The following HIPK3 variants were observed in gnomAD, a reference collection of about 807,000 sequenced individuals.
HIPK3 encodes the protein homeodomain interacting protein kinase 3.
HIPK3 carries 47 observed loss-of-function variants against 124.2 expected under a neutral mutation model. That is an observed-to-expected ratio of 0.38 (90% CI 0.30 to 0.48). HIPK3 has a LOEUF of 0.48. HIPK3 is among the 20% of genes least tolerant of loss of function. The pLI is 0.98. For synonymous variants in HIPK3, 482 were observed against 515.2 expected, an observed-to-expected ratio of 0.94 and a Z score of 0.87; for missense variants, 1,286 against 1,454.3, an observed-to-expected ratio of 0.88 and a Z score of 1.88.
At chr11:33,328,699 C>A in intron 3 of HIPK3, 66 bp downstream of exon 3, 3 of 1,449,818 alleles carry the variant, frequency 2.1e-6, no homozygotes, top group Non-Finnish European at 2.9e-6. Context: ...CTTACAGGAA[C>A]ACATGGCTGC....
rs760526637 is a variant in HIPK3 at position 33,286,698 on chromosome 11, T to C, written c.284T>C (p.Ile95Thr). 1.2e-6 allele frequency: 2 copies of C among 1,614,134 alleles called. No homozygotes were observed. Among genetic ancestry groups the C allele is most frequent in the Non-Finnish European group, 1.7e-6 (2 of 1,180,040 alleles). Reference protein sequence around the residue: ...LKNTAGATKVIAAQAQQAHVQ... With the variant: ...LKNTAGATKVTAAQAQQAHVQ... ...AACACTGCAGGTGCTACAAAGGTCA[T>C]AGCAGCTCAGGCACAGCAAGCTCAC... Residue 95 changes from isoleucine (I) to threonine (T), a missense_variant, in exon 2 of 17, where the codon ATA (isoleucine) becomes ACA (threonine). Ile to Thr is a moderately conservative substitution (Grantham distance 89, BLOSUM62 -1). This residue lies in a region of HIPK3 where 225 missense variants were observed against 240.3 expected (regional missense o/e 0.94). Coordinates refer to ENST00000303296, the MANE Select transcript of HIPK3 (RefSeq NM_005734.5).
intron 8 of HIPK3, among the ~76,000 whole-genome samples, chr11:33,342,102 CAAAAAA>C (rs58073130): frequency 1.8e-5 from 1 of 55,584 alleles, no homozygotes; most frequent in African/African-American, 7.5e-5. Flanking sequence ...GACTCTGTCT[CAAAAAA>C]AAAAAAAAAA....
intron 8 of HIPK3, among the ~76,000 whole-genome samples, chr11:33,344,905 C>G (rs958499362): frequency 1.3e-5 from 2 of 152,122 alleles, no homozygotes; most frequent in African/African-American, 4.8e-5. Flanking sequence ...TTGCCCCTCC[C>G]CTTCATTTAC....
Position 33,348,164 on chromosome 11 carries a change from A to G in HIPK3, c.2307-2A>G, listed in dbSNP as rs912556223. The G allele has an allele frequency of 7.4e-6, 12 of 1,613,618 alleles. No homozygotes were observed. The highest frequency in any genetic ancestry group is 1.0e-5 in the Non-Finnish European group (12 of 1,179,656). On this transcript the variant is annotated splice_acceptor_variant, in intron 11 of 16. Coordinates refer to ENST00000303296, the MANE Select transcript of HIPK3 (RefSeq NM_005734.5). LOFTEE classifies it high-confidence loss of function. The stretch of plus-strand genomic sequence containing the variant: ...AAGCCAGCTCCCTTCTCAATTTCTC[A>G]GAGGTATTTTGGTAAAACTAATGGA...
intron 2 of HIPK3, among the ~76,000 whole-genome samples, chr11:33,295,287 C>A (rs551799147): frequency 4.1e-5 from 6 of 146,044 alleles, no homozygotes; most frequent in Admixed American, 6.8e-5. Flanking sequence ...GCCCCCCCCC[C>A]ACAACTCCAC....
upstream of HIPK3, among the ~76,000 whole-genome samples, chr11:33,257,125 G>A (rs1303858511): frequency 1.3e-5 from 2 of 152,126 alleles, no homozygotes; most frequent in Non-Finnish European, 2.9e-5. Context: ...GCTGACGGAT[G>A]CTTCTTTCGC....
intron 2 of HIPK3, 79 bp from the exon 3 acceptor site, chr11:33,328,431 A>G: frequency 7.0e-7 from 1 of 1,421,006 alleles, no homozygotes; most frequent in Non-Finnish European, 9.8e-7. Context: ...TCATTTTACC[A>G]ACTTCCTAGA....
chr11:33,308,630 G>GTA (rs1413286365), intron 2 of HIPK3, among the ~76,000 whole-genome samples: 2 of 151,630 alleles, frequency 1.3e-5, no homozygotes, highest in African/African-American at 4.9e-5. Context: ...GTGTGTGTGT[G>GTA]TGTGTGTGTG....
chr11:33,300,973 T>C (rs1316134440), intron 2 of HIPK3, among the ~76,000 whole-genome samples: 2 of 152,162 alleles, frequency 1.3e-5, no homozygotes, highest in Non-Finnish European at 2.9e-5. Context: ...TCTGCCAGTG[T>C]TGGTCTCCCA....
intron 3 of HIPK3, 134 bp downstream of exon 3, chr11:33,328,767 G>A (rs1038750629): frequency 1.2e-5 from 8 of 694,156 alleles, no homozygotes; most frequent in Non-Finnish European, 1.8e-5. Flanking sequence ...CTGGGATCTT[G>A]TAGAATTGAT....
In HIPK3 at chr11:33,347,854, A is replaced by G. The variant is rs756903887; in HGVS notation, c.2147A>G (p.Lys716Arg). ...CATTGTTCTGAACTTCTCCCTAGGA[A>G]GATGATTTCATGCAGCAATCATTAT... Reference protein sequence around the residue: ...AGSHRLGDWGKMISCSNHYNS... With the variant: ...AGSHRLGDWGRMISCSNHYNS... The change falls in exon 11 of 17, where the codon AAG becomes AGG. Residue 716 changes from lysine to arginine, a missense_variant and splice_region_variant. Lys to Arg is a conservative substitution (Grantham distance 26). Transcript: ENST00000303296. 1 of 1,614,174 alleles carries G rather than the reference A, an allele frequency of 6.2e-7. No individual in the cohort carries two copies.
rs952856564 is a variant in HIPK3, at chr11:33,258,782, G to A, written c.-3+893G>A. 5 of 947,388 alleles carry A rather than the reference G, an allele frequency of 5.3e-6. No individual in the cohort carries two copies. The Admixed American group carries it at 2.5e-4, about 47-fold the overall frequency. 58.7% of individuals were successfully genotyped at this position (947,388 alleles called of 1,614,324 possible). A position where few individuals can be genotyped will look rare whatever the true frequency, so the allele number is the denominator to read the frequency against. ...TGTGTGCGTAAATTACCTTGGACTT[G>A]TTACAGAGTAGTCGTAACACGTTCA... is the stretch of plus-strand genomic sequence containing the variant. On this transcript the variant is annotated intron_variant, in intron 1 of 16. Transcript: ENST00000303296.
At chr11:33,323,318 AC>A (rs1852718179) in intron 2 of HIPK3, among the ~76,000 whole-genome samples, 1 of 152,166 alleles carries the variant, frequency 6.6e-6, no homozygotes, top group East Asian at 1.9e-4. Context: ...ATCTTGGCTC[AC>A]TGCAACCTTT....
chr11:33,287,434 TA>T lies in HIPK3; in HGVS notation c.1023del (p.Val342Ter). ...ATCCTGTTCGGCAGCCTTACAGGGT[TA>T]AAGTAATAGACTTTGGGTCGGCCAG... ...VDPVRQPYRV[K>X]VIDFGSASHV... On this transcript the variant is annotated frameshift_variant, in exon 2 of 17. Coordinates refer to ENST00000303296, the MANE Select transcript of HIPK3 (RefSeq NM_005734.5). LOFTEE classifies it high-confidence loss of function. 1 of 1,614,212 alleles carries T rather than the reference TA, an allele frequency of 6.2e-7. No homozygotes were observed. Among genetic ancestry groups the T allele is most frequent in the Non-Finnish European group, 8.5e-7 (1 of 1,180,036 alleles).
chr11:33,324,669 C>T (rs534208963), intron 2 of HIPK3, among the ~76,000 whole-genome samples: 1 of 152,330 alleles, frequency 6.6e-6, no homozygotes, highest in Non-Finnish European at 1.5e-5. Context: ...TGACCAGGCA[C>T]AGTGTGGGGC....
intron 1 of HIPK3, among the ~76,000 whole-genome samples, chr11:33,268,230 A>AC (rs1851025371): frequency 6.6e-6 from 1 of 152,154 alleles, no homozygotes; most frequent in African/African-American, 2.4e-5. Context: ...AAGCAAACAA[A>AC]CAAAAAACAG....
Position 33,286,664 on chromosome 11 carries a change from G to A in HIPK3, c.250G>A (p.Val84Ile), listed in dbSNP as rs1554963036. The A allele has an allele frequency of 3.7e-6, 6 of 1,613,998 alleles. No homozygotes were observed. The East Asian group carries it at 8.9e-5, about 24-fold the overall frequency. The change falls in exon 2 of 17, where the codon GTT becomes ATT. Residue 84 changes from valine to isoleucine, a missense_variant. Physicochemically the swap from Val to Ile is conservative, Grantham distance 29. This residue lies in a region of HIPK3 where 225 missense variants were observed against 240.3 expected (regional missense o/e 0.94). Transcript: ENST00000303296. Reference sequence around the variant, plus strand: ...CTTTTCATTGCAGACAAGTGCTGTTGTTTTGAAAAACACTGCAGGTGCTAC... The same window carrying A: ...CTTTTCATTGCAGACAAGTGCTGTTATTTTGAAAAACACTGCAGGTGCTAC... ...HNFSLQTSAV[V>I]LKNTAGATKV...
chr11:33,283,463 T>G (rs145783504), intron 1 of HIPK3, among the ~76,000 whole-genome samples: 1,910 of 152,236 alleles, frequency 0.013, 22 homozygotes, highest in Non-Finnish European at 0.017. Flanking sequence ...CATCAAGTCT[T>G]AATTTGTCTA....
chr11:33,298,682 G>A (rs1851906929), intron 2 of HIPK3, among the ~76,000 whole-genome samples: 1 of 152,214 alleles, frequency 6.6e-6, no homozygotes, highest in African/African-American at 2.4e-5. Flanking sequence ...ATGACTTCGA[G>A]GGGTTCAAGA....
Sources: allele counts gnomAD v4.1 joint callset (sites outside exome capture counted in the v4.1 genomes callset), GRCh38; gene constraint gnomAD v4.1.1; regional missense constraint gnomAD v4.1.1; transcripts MANE v1.5; gene names NCBI Gene and HGNC (gene_info 2026-07-23, HGNC 2026-07-21).